DNASE1: variants seen among roughly 807,000 people sequenced by gnomAD.
DNASE1 encodes deoxyribonuclease-1.
Under a neutral mutation model 33.9 loss-of-function variants are expected in DNASE1, and 40 were observed. The ratio of observed to expected loss-of-function variants is 1.18; its 90% CI spans 0.92 to 1.54. The LOEUF (loss-of-function observed/expected upper bound fraction) is 1.54. Ranked by LOEUF, DNASE1 falls within the 40% of genes most tolerant of loss-of-function variation. The pLI is 0.00. For synonymous variants in DNASE1, 216 were observed against 160.0 expected, an observed-to-expected ratio of 1.35 and a Z score of -2.64; for missense variants, 518 against 372.6, an observed-to-expected ratio of 1.39 and a Z score of -3.21.
chr16:3,664,093 CAT>C (rs919817254), exon 10 of DNASE1: 26 of 625,172 alleles, frequency 4.2e-5, no homozygotes, highest in African/African-American at 1.1e-4. Flanking sequence ...AAAAAAACCA[CAT>C]GTGACCTCCA....
At chr16:3,658,579 A>AG, downstream of DNASE1, 1 of 579,996 alleles carries the variant, frequency 1.7e-6, no homozygotes, top group South Asian at 2.1e-5. Context: ...AGGCTGAGGC[A>AG]GGGGAATTGC....
At chr16:3,620,820 A>C (rs2041282201) in intron 1 of DNASE1, among the ~76,000 whole-genome samples, 1 of 150,726 alleles carries the variant, frequency 6.6e-6, no homozygotes, top group African/African-American at 2.4e-5. Context: ...ATTTATTTTG[A>C]GACAGAGTCT....
chr16:3,654,409 C>G (rs1437347304), upstream of DNASE1: 1 of 398,608 alleles, frequency 2.5e-6, no homozygotes, highest in Non-Finnish European at 4.4e-6. Flanking sequence ...ATCAGGAAGG[C>G]AGGCGTGTCC....
At chr16:3,654,177 G>A (rs2042450965), upstream of DNASE1, 1 of 395,590 alleles carries the variant, frequency 2.5e-6, no homozygotes, top group Non-Finnish European at 4.4e-6. Flanking sequence ...GCCTTTAGCT[G>A]CTGCCCTGCC....
chr16:3,658,838 C>CTGAT, downstream of DNASE1: 4 of 1,614,030 alleles, frequency 2.5e-6, no homozygotes, highest in Non-Finnish European at 2.5e-6. Flanking sequence ...TTGCGCGCAG[C>CTGAT]TGATTCAGCT....
chr16:3,633,552 G>A (rs2151180814), intron 1 of DNASE1, among the ~76,000 whole-genome samples: 1 of 151,646 alleles, frequency 6.6e-6, no homozygotes, highest in South Asian at 2.1e-4. Flanking sequence ...AGGTTGCAGT[G>A]AGCCGAGATG....
Position 3,656,140 on chromosome 16 carries a change from C to T in DNASE1, c.275C>T (p.Pro92Leu). ...ACCTATCACTACGTGGTCAGTGAGCCACTGGGACGGAACAGCTATAAGGAG... is the reference window on the plus strand; with the variant it reads ...ACCTATCACTACGTGGTCAGTGAGCTACTGGGACGGAACAGCTATAAGGAG... ...PDTYHYVVSE[P>L]LGRNSYKERY... Residue 92 changes from proline to leucine, a missense_variant, in exon 4 of 9, where the codon CCA (proline) becomes CTA (leucine). By Grantham distance (98) the Pro-to-Leu change is moderately conservative. Coordinates refer to ENST00000246949, the MANE Select transcript of DNASE1 (RefSeq NM_005223.4). The T allele has an allele frequency of 6.2e-7, 1 of 1,614,080 alleles. No individual in the cohort carries two copies. Among genetic ancestry groups the T allele is most frequent in the South Asian group, 1.1e-5 (1 of 91,080 alleles).
At chr16:3,650,133 ATG>A (rs1434054964), upstream of DNASE1, among the ~76,000 whole-genome samples, 1 of 152,188 alleles carries the variant, frequency 6.6e-6, no homozygotes, top group Non-Finnish European at 1.5e-5. Context: ...TATTTACTAT[ATG>A]TCTTTTAAAT....
rs8061109 is a variant in DNASE1 at position 3,618,458 on chromosome 16, G to A, written c.-1359+6452G>A. Among the ~76,000 whole-genome samples the A allele has an allele frequency of 3.9e-5, 6 of 152,294 alleles. No homozygotes were observed. The South Asian group carries it at 8.3e-4, about 21-fold the overall frequency. ...GAAAAAGTGTTTAAGGGCCAGGCGC[G>A]GTGGCTCACGCCCGTAATCCCAGCA... On this transcript the variant is annotated intron_variant and NMD_transcript_variant, in intron 1 of 11. Coordinates refer to the DNASE1 transcript ENST00000570769.
chr16:3,657,264 G>A lies in DNASE1; in HGVS notation c.627G>A (p.Trp209Ter), dbSNP rs753840602. The change falls in exon 7 of 9, where the codon TGG becomes TGA. Residue 209 changes from tryptophan to a stop codon, truncating the protein, a stop_gained. Coordinates refer to ENST00000246949, the MANE Select transcript of DNASE1 (RefSeq NM_005223.4). LOFTEE classifies it high-confidence loss of function. The stretch of plus-strand genomic sequence containing the variant: ...CCCAGTGGTCATCCATCCGCCTGTG[G>A]ACAAGCCCCACCTTCCAGTGGCTGA... ...RPSQWSSIRL[W>*]TSPTFQWLIP... The A allele has an allele frequency of 3.7e-6, 6 of 1,613,980 alleles. No individual in the cohort carries two copies. The South Asian group carries it at 5.5e-5, about 15-fold the overall frequency.
chr16:3,663,092 A>C (rs1042595071), downstream of DNASE1: 31 of 766,712 alleles, frequency 4.0e-5, no homozygotes, highest in Non-Finnish European at 2.3e-5. Context: ...CAAGCTAGCA[A>C]GATGCTTTTC....
chr16:3,658,012 C>T lies in DNASE1; in HGVS notation c.*59C>T. 1 of 1,611,756 alleles carries T rather than the reference C, an allele frequency of 6.2e-7. No individual in the cohort carries two copies. Among genetic ancestry groups the T allele is most frequent in the Non-Finnish European group, 8.5e-7 (1 of 1,178,810 alleles). On this transcript the variant is annotated 3_prime_UTR_variant, in exon 9 of 9. Coordinates refer to ENST00000246949, the MANE Select transcript of DNASE1 (RefSeq NM_005223.4). ...AGAGAGGACCCATCCTGCCACAGGA[C>T]CCAGAAAAAAAGCCCAACACACACT...
exon 10 of DNASE1, chr16:3,663,481 C>G (rs2050739149): frequency 1.2e-6 from 2 of 1,614,072 alleles, no homozygotes; most frequent in African/African-American, 1.3e-5. Context: ...ATGTCCGTCT[C>G]CACAGAGATC....
At chr16:3,619,007 C>A (rs1451230352) in intron 1 of DNASE1, among the ~76,000 whole-genome samples, 1 of 151,990 alleles carries the variant, frequency 6.6e-6, no homozygotes, top group African/African-American at 2.4e-5. Context: ...ACTCAGCCTA[C>A]CTGTAGCTAG....
At chr16:3,638,391 A>G (rs746150475), upstream of DNASE1, among the ~76,000 whole-genome samples, 47 of 152,216 alleles carry the variant, frequency 3.1e-4, no homozygotes, top group Admixed American at 1.0e-3. Flanking sequence ...AGGCTGGAGT[A>G]CAGTGGCGCA....
chr16:3,655,190 G>C, intron 1 of DNASE1, 146 bp downstream of exon 1: 1 of 771,074 alleles, frequency 1.3e-6, no homozygotes, highest in Non-Finnish European at 2.1e-6. Flanking sequence ...GAGTGACTCG[G>C]GGTCCTCTAC....
intron 1 of DNASE1, among the ~76,000 whole-genome samples, chr16:3,626,636 G>A (rs562383409): frequency 6.6e-6 from 1 of 152,196 alleles, no homozygotes; most frequent in Non-Finnish European, 1.5e-5. Flanking sequence ...CTAGATGTCA[G>A]TTAGATCCAG....
chr16:3,654,430 A>G (rs2042464008), upstream of DNASE1: 3 of 398,594 alleles, frequency 7.5e-6, no homozygotes, highest in Non-Finnish European at 4.4e-6. Flanking sequence ...TGGGCCACAG[A>G]GCAGTCATGG....
chr16:3,617,478 A>G (rs1035838434), intron 1 of DNASE1, among the ~76,000 whole-genome samples: 6 of 152,150 alleles, frequency 3.9e-5, no homozygotes, highest in Non-Finnish European at 7.4e-5. Flanking sequence ...TTTTTTGTGT[A>G]AAAGTATACT....
Sources: gnomAD v4.1 joint callset for allele counts (sites outside exome capture counted in the v4.1 genomes callset) on GRCh38, gnomAD v4.1.1 for gene constraint, MANE v1.5 for transcripts, NCBI Gene and HGNC (gene_info 2026-07-23, HGNC 2026-07-21) for gene names.